Variants in UTRN observed in about 807,000 individuals in gnomAD.
The protein encoded by UTRN is utrophin, also known as dystrophin-related protein 1.
A neutral mutation model predicts 463.9 loss-of-function variants in UTRN; 283 were observed. That is an observed-to-expected ratio of 0.61 (90% CI 0.55 to 0.67). UTRN has a LOEUF of 0.67. Among genes scored for constraint, UTRN ranks in the 30% least tolerant of loss-of-function variants. The pLI, the probability that UTRN is intolerant of heterozygous loss-of-function variation, is 0.00. For missense variants in UTRN, 3,922 were observed against 4,084.3 expected (o/e 0.96, Z 1.08); for synonymous variants, 1,442 against 1,431.5 (o/e 1.01, Z -0.17).
At chr6:144,759,103 A>G (rs1347982781) in intron 58 of UTRN, among the ~76,000 whole-genome samples, 3 of 152,108 alleles carry the variant, frequency 2.0e-5, no homozygotes, top group Non-Finnish European at 2.9e-5. Flanking sequence ...TTTGCATAAT[A>G]TATAATAAAT....
intron 23 of UTRN, among the ~76,000 whole-genome samples, chr6:144,470,836 C>A (rs974437005): frequency 6.6e-6 from 1 of 151,872 alleles, no homozygotes; most frequent in African/African-American, 2.4e-5. Flanking sequence ...ACCAGCCCGG[C>A]CAACACGGCG....
chr6:144,748,738 T>A (rs1791038497), intron 55 of UTRN, among the ~76,000 whole-genome samples: 1 of 152,242 alleles, frequency 6.6e-6, no homozygotes, highest in South Asian at 2.1e-4. Context: ...ACTTTTATGA[T>A]AATTTACATT....
chr6:144,663,248 C>G (rs1329470275), intron 51 of UTRN, among the ~76,000 whole-genome samples: 2 of 152,104 alleles, frequency 1.3e-5, no homozygotes, highest in Non-Finnish European at 2.9e-5. Context: ...TGCCAGCAAG[C>G]AGGTCCTAAT....
intron 45 of UTRN, among the ~76,000 whole-genome samples, chr6:144,542,328 T>C (rs916144657): frequency 6.6e-6 from 1 of 152,156 alleles, no homozygotes; most frequent in African/African-American, 2.4e-5. Context: ...CTTTAGCCTC[T>C]CAAAACTCCA....
chr6:144,458,478 A>G (rs1789094907), intron 19 of UTRN, among the ~76,000 whole-genome samples: 1 of 152,232 alleles, frequency 6.6e-6, no homozygotes, highest in South Asian at 2.1e-4. Context: ...GAGTAGAAGC[A>G]TGGCATGGAT....
intron 51 of UTRN, among the ~76,000 whole-genome samples, chr6:144,615,399 A>T (rs1805973910): frequency 6.6e-6 from 1 of 152,140 alleles, no homozygotes; most frequent in Admixed American, 6.6e-5. Context: ...CCACTTGTCT[A>T]ACTTCAGTTG....
At chr6:144,555,499 C>G (rs545712889) in intron 49 of UTRN, among the ~76,000 whole-genome samples, 1 of 152,340 alleles carries the variant, frequency 6.6e-6, no homozygotes, top group East Asian at 1.9e-4. Flanking sequence ...GTGGCACTAT[C>G]TCAGCTCATT....
At chr6:144,331,176 A>G (rs887858231) in intron 2 of UTRN, among the ~76,000 whole-genome samples, 4 of 152,216 alleles carry the variant, frequency 2.6e-5, no homozygotes, top group Non-Finnish European at 5.9e-5. Context: ...AGTTTTTAAA[A>G]GACGTTTTTT....
chr6:144,560,333 C>G (rs928844248), intron 50 of UTRN, among the ~76,000 whole-genome samples: 4 of 152,050 alleles, frequency 2.6e-5, no homozygotes, highest in Non-Finnish European at 5.9e-5. Flanking sequence ...TTTGTGTACC[C>G]GCCTCTCAGT....
chr6:144,828,389 GCCA>G (rs1352479208), intron 68 of UTRN, among the ~76,000 whole-genome samples: 1 of 152,170 alleles, frequency 6.6e-6, no homozygotes, highest in Non-Finnish European at 1.5e-5. Context: ...GAAAAACCCA[GCCA>G]CTGAAGAGTT....
intron 4 of UTRN, among the ~76,000 whole-genome samples, chr6:144,422,785 C>A (rs2114849954): frequency 6.6e-6 from 1 of 152,270 alleles, no homozygotes; most frequent in Middle Eastern, 3.4e-3. Context: ...TGTATGGGTA[C>A]AAATGTTAAC....
At chr6:144,461,866 C>A (rs1789450397) in intron 22 of UTRN, among the ~76,000 whole-genome samples, 1 of 152,038 alleles carries the variant, frequency 6.6e-6, no homozygotes, top group South Asian at 2.1e-4. Context: ...TATGATTATG[C>A]CTATTTTTTT....
intron 51 of UTRN, among the ~76,000 whole-genome samples, chr6:144,638,589 C>T (rs1777434018): frequency 1.3e-5 from 2 of 152,152 alleles, no homozygotes; most frequent in African/African-American, 4.8e-5. Flanking sequence ...AGTGATACAA[C>T]ATCCATTTTC....
At chr6:144,609,845 A>C (rs916119544) in intron 51 of UTRN, among the ~76,000 whole-genome samples, 1 of 152,210 alleles carries the variant, frequency 6.6e-6, no homozygotes, top group African/African-American at 2.4e-5. Context: ...GGTCACAGAA[A>C]AAATTAGAAT....
intron 17 of UTRN, among the ~76,000 whole-genome samples, chr6:144,450,160 C>A (rs1562418123): frequency 1.3e-5 from 2 of 152,220 alleles, no homozygotes; most frequent in African/African-American, 4.8e-5. Flanking sequence ...CGACTCGTCT[C>A]TCTTTAATGC....
intron 51 of UTRN, among the ~76,000 whole-genome samples, chr6:144,653,884 T>C (rs1779069877): frequency 6.6e-6 from 1 of 152,234 alleles, no homozygotes; most frequent in African/African-American, 2.4e-5. Context: ...CTAGGAAATG[T>C]AATGACTTAA....
intron 51 of UTRN, among the ~76,000 whole-genome samples, chr6:144,650,253 G>T (rs1227512218): frequency 6.6e-6 from 1 of 152,130 alleles, no homozygotes; most frequent in South Asian, 2.1e-4. Context: ...CACAACACGT[G>T]GGAATTATGG....
At chr6:144,295,763 T>A (rs1161478918) in intron 2 of UTRN, among the ~76,000 whole-genome samples, 2 of 152,222 alleles carry the variant, frequency 1.3e-5, no homozygotes, top group Non-Finnish European at 2.9e-5. Context: ...GAACACATTC[T>A]GTGTGCAGAT....
At chr6:144,724,885 G>A (rs1787684665) in intron 53 of UTRN, among the ~76,000 whole-genome samples, 1 of 152,148 alleles carries the variant, frequency 6.6e-6, no homozygotes, top group Non-Finnish European at 1.5e-5. Context: ...TATGAATAAG[G>A]CTACTATAAA....
Sources: gnomAD v4.1 joint callset for allele counts (sites outside exome capture counted in the v4.1 genomes callset) on GRCh38, gnomAD v4.1.1 for gene constraint, MANE v1.5 for transcripts, NCBI Gene and HGNC (gene_info 2026-07-23, HGNC 2026-07-21) for gene names.